The following CFTR variants were observed in gnomAD, a reference collection of about 807,000 sequenced individuals.
CFTR encodes the protein cystic fibrosis transmembrane conductance regulator.
CFTR carries 181 observed loss-of-function variants against 171.6 expected under a neutral mutation model. The observed-to-expected ratio is 1.05, with a 90% confidence interval of 0.93 to 1.19. The LOEUF is 1.19. CFTR is among the 50% of genes most tolerant of loss of function. The probability of loss-of-function intolerance (pLI) is 0.00; values close to 1 mark genes in which losing one functional copy is unlikely to be tolerated. For synonymous variants in CFTR, 583 were observed against 608.0 expected (o/e 0.96, Z 0.60); for missense variants, 1,968 against 1,734.7 (o/e 1.13, Z -2.39).
In CFTR at chr7:117,504,281, T is replaced by C. The variant is rs1012752433; in HGVS notation, c.82T>C (p.Tyr28His). Residue 28 changes from tyrosine (Y) to histidine (H), a missense_variant, in exon 2 of 27, where the codon TAC (tyrosine) becomes CAC (histidine). Physicochemically the swap from Tyr to His is moderately conservative, Grantham distance 83. Coordinates refer to ENST00000003084, the MANE Select transcript of CFTR (RefSeq NM_000492.4). ...SWTRPILRKG[Y>H]RQRLELSDIY... The stretch of plus-strand genomic sequence containing the variant: ...GACCAGACCAATTTTGAGGAAAGGA[T>C]ACAGACAGCGCCTGGAATTGTCAGA... The C allele has an allele frequency of 3.1e-6, 5 of 1,611,392 alleles. No individual in the cohort carries two copies. The African/African-American group carries it at 4.0e-5, about 13-fold the overall frequency.
intron 22 of CFTR, among the ~76,000 whole-genome samples, chr7:117,628,581 C>T (rs1460531772): frequency 6.6e-6 from 1 of 151,980 alleles, no homozygotes; most frequent in Non-Finnish European, 1.5e-5. Context: ...TAATTGCAAA[C>T]ACAGATACAA....
intron 10 of CFTR, among the ~76,000 whole-genome samples, chr7:117,554,337 G>A (rs976618884): frequency 6.6e-6 from 1 of 152,138 alleles, no homozygotes; most frequent in African/African-American, 2.4e-5. Context: ...GTTGAACAAT[G>A]GCATATGAGA....
chr7:117,665,006 G>A, intron 25 of CFTR, 146 bp downstream of exon 25: 2 of 879,484 alleles, frequency 2.3e-6, no homozygotes, highest in Non-Finnish European at 3.8e-6. Context: ...CAGTGGAAAT[G>A]AGCATAAATG....
At chr7:117,610,771 T>G in intron 19 of CFTR, 102 bp downstream of exon 19, 1 of 1,215,732 alleles carries the variant, frequency 8.2e-7, no homozygotes, top group East Asian at 2.5e-5. Context: ...GCTTTTAAAC[T>G]TTTACATCAT....
chr7:117,521,833 AT>A (rs1798690312), intron 3 of CFTR, among the ~76,000 whole-genome samples: 1 of 151,990 alleles, frequency 6.6e-6, no homozygotes, highest in Non-Finnish European at 1.5e-5. Flanking sequence ...TCAGGTTTCT[AT>A]TTTTTTCACC....
intron 3 of CFTR, among the ~76,000 whole-genome samples, chr7:117,512,487 G>A (rs1798534143): frequency 6.6e-6 from 1 of 151,926 alleles, no homozygotes; most frequent in African/African-American, 2.4e-5. Flanking sequence ...TCAGCCAGGT[G>A]TGGTGGCGTG....
chr7:117,635,717 G>A (rs1490840535), intron 22 of CFTR, among the ~76,000 whole-genome samples: 1 of 151,912 alleles, frequency 6.6e-6, no homozygotes, highest in Non-Finnish European at 1.5e-5. Flanking sequence ...CATGTGTAGT[G>A]CAAGTACCTT....
chr7:117,592,731 C>T, intron 14 of CFTR, 74 bp downstream of exon 14: 2 of 1,279,374 alleles, frequency 1.6e-6, no homozygotes, highest in South Asian at 5.0e-5. Flanking sequence ...TAGCATGTAA[C>T]AAAATTTACT....
chr7:117,517,779 G>A (rs967001007), intron 3 of CFTR, among the ~76,000 whole-genome samples: 1 of 152,098 alleles, frequency 6.6e-6, no homozygotes, highest in Non-Finnish European at 1.5e-5. Flanking sequence ...TCTCATTGTG[G>A]TTTTGATTTG....
At chr7:117,555,336 A>G (rs2115923810) in intron 10 of CFTR, among the ~76,000 whole-genome samples, 1 of 152,338 alleles carries the variant, frequency 6.6e-6, no homozygotes, top group African/African-American at 2.4e-5. Flanking sequence ...GTAGTATTAA[A>G]CCATAATGGC....
chr7:117,644,560 T>G (rs2116175499), intron 23 of CFTR, among the ~76,000 whole-genome samples: 1 of 152,286 alleles, frequency 6.6e-6, no homozygotes, highest in East Asian at 1.9e-4. Flanking sequence ...TAGAGATCTC[T>G]GTATCAATGG....
At chr7:117,645,487 G>A (rs1770402079) in intron 23 of CFTR, among the ~76,000 whole-genome samples, 1 of 152,188 alleles carries the variant, frequency 6.6e-6, no homozygotes, top group Non-Finnish European at 1.5e-5. Context: ...GCCAGTTAGG[G>A]AGTGTGATGT....
intron 15 of CFTR, among the ~76,000 whole-genome samples, chr7:117,596,059 GC>G (rs1411902606): frequency 3.3e-5 from 5 of 152,238 alleles, no homozygotes; most frequent in African/African-American, 1.2e-4. Context: ...TGCGTGAGGA[GC>G]CCTTCAGCCC....
chr7:117,618,475 G>A (rs213984), intron 21 of CFTR, among the ~76,000 whole-genome samples: 72,900 of 151,216 alleles, frequency 0.48, 21,075 homozygotes, highest in African/African-American at 0.82. Flanking sequence ...AGGAGACTCC[G>A]TCTCACACAC....
Position 117,577,006 on chromosome 7 carries a change from G to A in CFTR, c.1585-10733G>A, listed in dbSNP as rs899521998. Among the ~76,000 whole-genome samples the A allele has an allele frequency of 3.3e-5, 5 of 152,262 alleles. No individual in the cohort carries two copies. In the South Asian group the frequency reaches 1.0e-3, roughly 32 times the overall value. On this transcript the variant is annotated intron_variant, in intron 11 of 26. Transcript: ENST00000003084. ...CTTCGAAGGTAGAGATATGTGAACA[G>A]ATAAGAAAATGGATGACAGGAGAAC...
At position 117,512,276 on chromosome 7, in the gene CFTR, G is replaced by A. The variant is rs548164104; in HGVS notation, c.273+3134G>A. ...ACTTCTCACCATTAACTATGCACTT[G>A]CTTTTTCTTCATCTGACTCAGCAGC... On this transcript the variant is annotated intron_variant, in intron 3 of 26. Coordinates refer to ENST00000003084, the MANE Select transcript of CFTR (RefSeq NM_000492.4). Among the ~76,000 whole-genome samples, 27 of 152,256 alleles carry A rather than the reference G, an allele frequency of 1.8e-4. 1 individual carries two copies. The South Asian group carries it at 5.4e-3, about 30-fold the overall frequency.
chr7:117,540,228 T>C lies in CFTR; in HGVS notation c.998T>C (p.Leu333Pro). The change falls in exon 8 of 27, where the codon CTC (leucine) becomes CCC (proline). Residue 333 changes from leucine to proline, a missense_variant. Physicochemically the swap from Leu to Pro is moderately conservative, Grantham distance 98 (BLOSUM62 -3). Coordinates refer to ENST00000003084, the MANE Select transcript of CFTR (RefSeq NM_000492.4). ...TATGCACTAATCAAAGGAATCATCC[T>C]CCGGAAAATATTCACCACCATCTCA... The part of the protein sequence containing the change: ...LPYALIKGII[L>P]RKIFTTISFC... 6.2e-7 allele frequency: 1 copy of C among 1,614,148 alleles called. No homozygotes were observed. Among genetic ancestry groups the C allele is most frequent in the Non-Finnish European group, 8.5e-7 (1 of 1,180,010 alleles).
intron 14 of CFTR, among the ~76,000 whole-genome samples, chr7:117,594,025 C>CTATTAA (rs1792081119): frequency 6.6e-6 from 1 of 152,170 alleles, no homozygotes; most frequent in Non-Finnish European, 1.5e-5. Context: ...TGGATTGCAT[C>CTATTAA]TAGTGCTAGG....
At chr7:117,490,962 G>A (rs1798151120) in intron 1 of CFTR, among the ~76,000 whole-genome samples, 2 of 151,962 alleles carry the variant, frequency 1.3e-5, no homozygotes, top group Non-Finnish European at 2.9e-5. Context: ...AAATTTACAG[G>A]CATATGTCAG....
Sources: gnomAD v4.1 joint callset for allele counts (sites outside exome capture counted in the v4.1 genomes callset) on GRCh38, gnomAD v4.1.1 for gene constraint, MANE v1.5 for transcripts, NCBI Gene and HGNC (gene_info 2026-07-23, HGNC 2026-07-21) for gene names.